EEF1E1: variants seen among roughly 807,000 people sequenced by gnomAD.
EEF1E1 encodes eukaryotic translation elongation factor 1 epsilon 1.
EEF1E1 carries 19 observed loss-of-function variants against 19.9 expected under a neutral mutation model. The observed-to-expected ratio is 0.95, with a 90% confidence interval of 0.66 to 1.40. The LOEUF (loss-of-function observed/expected upper bound fraction) is 1.40. EEF1E1 is among the 40% of genes most tolerant of loss of function. The pLI, the probability that EEF1E1 is intolerant of heterozygous loss-of-function variation, is 0.00. For synonymous variants in EEF1E1, 81 were observed against 80.0 expected (o/e 1.01, Z -0.07); for missense variants, 198 against 202.2 (o/e 0.98, Z 0.13).
chr6:8,085,677 C>T (rs1013813768), intron 3 of EEF1E1, among the ~76,000 whole-genome samples: 3 of 152,180 alleles, frequency 2.0e-5, no homozygotes, highest in Non-Finnish European at 2.9e-5. Context: ...GATGAGAAAT[C>T]ATGTGGTCGC....
chr6:8,093,563 T>C (rs1476628881), intron 2 of EEF1E1, among the ~76,000 whole-genome samples: 3 of 152,072 alleles, frequency 2.0e-5, no homozygotes, highest in African/African-American at 7.2e-5. Context: ...TATGAGGCAT[T>C]TAAACTTAGC....
intron 3 of EEF1E1, 97 bp from the exon 4 acceptor site, chr6:8,080,127 A>C: frequency 2.2e-6 from 3 of 1,361,320 alleles, no homozygotes; most frequent in African/African-American, 1.4e-5. Flanking sequence ...GAAAAACAAC[A>C]ACATCAATCC....
intron 3 of EEF1E1, among the ~76,000 whole-genome samples, chr6:8,084,696 A>G (rs1757803729): frequency 6.6e-6 from 1 of 152,212 alleles, no homozygotes; most frequent in Non-Finnish European, 1.5e-5. Context: ...ATGTCAAACC[A>G]TATGTCACAT....
intron 2 of EEF1E1, among the ~76,000 whole-genome samples, chr6:8,093,343 T>C (rs1029629919): frequency 3.7e-4 from 51 of 136,278 alleles, no homozygotes; most frequent in African/African-American, 1.4e-3. Context: ...TTTTTTTTTT[T>C]ACAATTCTTT....
At chr6:8,082,840 T>C (rs1757755708) in intron 3 of EEF1E1, among the ~76,000 whole-genome samples, 2 of 152,238 alleles carry the variant, frequency 1.3e-5, no homozygotes, top group Non-Finnish European at 2.9e-5. Context: ...ACATTCCCTA[T>C]ATAAACTTAC....
chr6:8,079,984 C>T lies in EEF1E1; in HGVS notation c.431G>A (p.Arg144His), dbSNP rs776293830. 9.3e-6 allele frequency: 15 copies of T among 1,613,504 alleles called. No individual in the cohort carries two copies. The highest frequency in any genetic ancestry group is 5.0e-5 in the Admixed American group (3 of 60,018). ...QEKEKYLNVSRWFCHIQHYPG... is the reference protein window; with the variant it reads ...QEKEKYLNVSHWFCHIQHYPG... ...ATAATGCTGAATGTGACAAAACCAG[C>T]GAGACACATTAAGATATTTCTCCTT... is the stretch of plus-strand genomic sequence containing the variant. The change falls in exon 4 of 4, where the codon CGC (arginine) becomes CAC (histidine). Residue 144 changes from arginine to histidine, a missense_variant. Arg to His is a conservative substitution (Grantham distance 29, BLOSUM62 0). Transcript: ENST00000379715.
intron 1 of EEF1E1, chr6:8,101,974 G>T (rs897396148): frequency 6.4e-6 from 8 of 1,244,672 alleles, no homozygotes; most frequent in African/African-American, 4.6e-5. Context: ...AGAGGAGGAA[G>T]CATGTTCCCC....
intron 2 of EEF1E1, among the ~76,000 whole-genome samples, chr6:8,094,490 C>T (rs1758110301): frequency 6.6e-6 from 1 of 151,122 alleles, no homozygotes; most frequent in South Asian, 2.1e-4. Context: ...ATCCCAGCTA[C>T]TTGGGAGGCT....
downstream of EEF1E1, chr6:8,078,821 A>T: frequency 1.7e-6 from 2 of 1,177,014 alleles, no homozygotes; most frequent in South Asian, 3.2e-5. Flanking sequence ...GTCTACTTTA[A>T]TCCTAATTTA....
In EEF1E1 at chr6:8,074,337, T is replaced by C. The variant is rs376470979; in HGVS notation, c.385-827A>G. On this transcript the variant is annotated intron_variant, in intron 3 of 3. Transcript: ENST00000429723. ...ATATACGTGTAATTTACACTTATAC[T>C]TTTCTCAGTCAGCTCAAAAGGAATG... Among the ~76,000 whole-genome samples, 94 of 152,302 alleles carry C rather than the reference T, an allele frequency of 6.2e-4. 2 individuals are homozygous for C. In the South Asian group the frequency reaches 0.019, roughly 31 times the overall value.
intron 2 of EEF1E1, among the ~76,000 whole-genome samples, chr6:8,092,177 T>TG (rs1488375463): frequency 1.3e-5 from 2 of 152,158 alleles, no homozygotes; most frequent in Non-Finnish European, 2.9e-5. Context: ...TCCATAACTT[T>TG]GGGGGTTAGA....
chr6:8,087,806 AC>A, intron 3 of EEF1E1, among the ~76,000 whole-genome samples: 1 of 139,578 alleles, frequency 7.2e-6, no homozygotes, highest in African/African-American at 2.6e-5. Context: ...AGGAAAAGAC[AC>A]ATGTGAGAGG....
rs149489283 is a variant in EEF1E1 at position 8,084,303 on chromosome 6, C to T, written c.385-4273G>A. 7.5e-3 allele frequency among the ~76,000 whole-genome samples: 1,145 copies of T among 152,298 alleles called. 57 individuals carry two copies. Among genetic ancestry groups the T allele is most frequent in the Admixed American group, 0.069 (1,061 of 15,296 alleles). ...ACCTGCCTAAAAACCAAGTACCCTC[C>T]AGTGCACTTAGACTCGTAATTAAAT... is the stretch of plus-strand genomic sequence containing the variant. On this transcript the variant is annotated intron_variant, in intron 3 of 3. Transcript: ENST00000379715.
rs1581455461 is a variant in EEF1E1 at position 8,080,136 on chromosome 6, C to T, written c.385-106G>A. 4 of 1,255,860 alleles carry T rather than the reference C, an allele frequency of 3.2e-6. No individual in the cohort carries two copies. The East Asian group carries it at 7.0e-5, about 22-fold the overall frequency. 77.8% of individuals were successfully genotyped at this position (1,255,860 alleles called of 1,614,324 possible). Reference sequence around the variant, plus strand: ...GAAGTTGAAAAACAACAACATCAATCCCCCAAGAGCTCTCAAAAGCCAACA... The same window carrying T: ...GAAGTTGAAAAACAACAACATCAATTCCCCAAGAGCTCTCAAAAGCCAACA... On this transcript the variant is annotated intron_variant, in intron 3 of 3. Coordinates refer to ENST00000379715, the MANE Select transcript of EEF1E1 (RefSeq NM_004280.5).
intron 3 of EEF1E1, 68 bp downstream of exon 3, chr6:8,090,118 C>T (rs915975416): frequency 7.6e-7 from 1 of 1,320,530 alleles, no homozygotes; most frequent in Non-Finnish European, 1.0e-6. Context: ...GATTTAAATT[C>T]AAGACAAAGT....
At chr6:8,079,371 A>G (rs1458029830), downstream of EEF1E1, 1 of 984,020 alleles carries the variant, frequency 1.0e-6, no homozygotes, top group East Asian at 1.1e-4. Flanking sequence ...TACTGACTAC[A>G]GAAAGAAAGA....
At chr6:8,082,032 T>C (rs1463159519) in intron 3 of EEF1E1, among the ~76,000 whole-genome samples, 1 of 152,224 alleles carries the variant, frequency 6.6e-6, no homozygotes, top group Non-Finnish European at 1.5e-5. Flanking sequence ...GGCAATGTTA[T>C]GTGTGATATT....
At chr6:8,098,126 T>C (rs1275482450) in intron 1 of EEF1E1, among the ~76,000 whole-genome samples, 1 of 152,066 alleles carries the variant, frequency 6.6e-6, no homozygotes, top group Non-Finnish European at 1.5e-5. Context: ...GTATCTTTTT[T>C]TTTTTTCATT....
At position 8,079,665 on chromosome 6, in the gene EEF1E1, C is replaced by T. The variant is rs1330574289; in HGVS notation, c.*225G>A. On this transcript the variant is annotated 3_prime_UTR_variant, in exon 4 of 4. Transcript: ENST00000379715. Reference sequence around the variant, plus strand: ...TACTAAAAACAAGGTTAATTTATAACTGGATCTCAACTTGTTTAATAGCAA... The same window carrying T: ...TACTAAAAACAAGGTTAATTTATAATTGGATCTCAACTTGTTTAATAGCAA... 1.7e-6 allele frequency: 2 copies of T among 1,205,002 alleles called. No homozygotes were observed. The highest frequency in any genetic ancestry group is 6.8e-5 in the East Asian group (2 of 29,330). The allele number at this position is 1,205,002 out of a possible 1,614,324, so 74.6% of individuals were successfully genotyped here.
Sources: allele counts gnomAD v4.1 joint callset (sites outside exome capture counted in the v4.1 genomes callset), GRCh38; gene constraint gnomAD v4.1.1; transcripts MANE v1.5; gene names NCBI Gene and HGNC (gene_info 2026-07-23, HGNC 2026-07-21).